Variants in ATXN10 observed in about 807,000 individuals in gnomAD.
The protein encoded by ATXN10 is ataxin-10.
Under a neutral mutation model 52.9 loss-of-function variants are expected in ATXN10, and 28 were observed. The ratio of observed to expected loss-of-function variants is 0.53; its 90% CI spans 0.39 to 0.73. The LOEUF is 0.73. ATXN10 is among the 30% of genes least tolerant of loss of function. The pLI is 0.00. For missense variants in ATXN10, 565 were observed against 577.0 expected (o/e 0.98, Z 0.21); for synonymous variants, 226 against 221.5 (o/e 1.02, Z -0.18).
chr22:45,804,749 A>T (rs1928042879), intron 9 of ATXN10, among the ~76,000 whole-genome samples: 1 of 152,236 alleles, frequency 6.6e-6, no homozygotes. Flanking sequence ...TAGATAAAAC[A>T]CAGAGGATTC....
chr22:45,713,011 A>G lies in ATXN10; in HGVS notation c.648-5402A>G, dbSNP rs186572663. Among the ~76,000 whole-genome samples, 277 of 152,018 alleles carry G rather than the reference A, an allele frequency of 1.8e-3. 1 individual carries two copies. The highest frequency in any genetic ancestry group is 6.1e-3 in the African/African-American group (254 of 41,436). On this transcript the variant is annotated intron_variant, in intron 5 of 11. Coordinates refer to ENST00000252934, the MANE Select transcript of ATXN10 (RefSeq NM_013236.4). ...TAGGTTTTTGAACTGATTGAAATCT[A>G]TTTTACTCATGTTGTGAGTATAGCA...
intron 10 of ATXN10, among the ~76,000 whole-genome samples, chr22:45,827,818 A>T (rs560328616): frequency 6.6e-6 from 1 of 152,360 alleles, no homozygotes; most frequent in African/African-American, 2.4e-5. Context: ...CAACAAGAGC[A>T]TATACATTCT....
At chr22:45,697,415 G>A (rs1049847052) in intron 3 of ATXN10, among the ~76,000 whole-genome samples, 1 of 152,052 alleles carries the variant, frequency 6.6e-6, no homozygotes, top group Non-Finnish European at 1.5e-5. Flanking sequence ...AATTACAGGC[G>A]TGAGCCGCTG....
intron 5 of ATXN10, among the ~76,000 whole-genome samples, chr22:45,710,851 A>G (rs916437971): frequency 3.9e-5 from 6 of 152,152 alleles, no homozygotes; most frequent in Non-Finnish European, 8.8e-5. Flanking sequence ...GGTTTTTGGT[A>G]GTAGTATTTG....
chr22:45,695,358 G>A (rs1485688666), intron 3 of ATXN10, among the ~76,000 whole-genome samples: 5 of 151,440 alleles, frequency 3.3e-5, no homozygotes, highest in Admixed American at 2.0e-4. Context: ...TTGTAATAAC[G>A]TCTTTACCTT....
At position 45,696,054 on chromosome 22, in the gene ATXN10, TACAG is replaced by T. The variant is rs1923593867; in HGVS notation, c.391+2980_391+2983del. On this transcript the variant is annotated intron_variant, in intron 3 of 11. Coordinates refer to ENST00000252934, the MANE Select transcript of ATXN10 (RefSeq NM_013236.4). This position sits in a 1 kb window ranked among gnomAD's most constrained non-coding sequence, Gnocchi z 4.7. Reference sequence around the variant, plus strand: ...AAATTAATTACTTCCTTTAAGAATTTACAGACAAAGTGCATCACCATGTTTTTTT... The same window carrying T: ...AAATTAATTACTTCCTTTAAGAATTTACAAAGTGCATCACCATGTTTTTTT... Among the ~76,000 whole-genome samples, 1 of 152,252 alleles carries T rather than the reference TACAG, an allele frequency of 6.6e-6. No individual in the cohort carries two copies. The highest frequency in any genetic ancestry group is 1.5e-5 in the Non-Finnish European group (1 of 68,046).
intron 3 of ATXN10, among the ~76,000 whole-genome samples, chr22:45,693,933 T>A (rs1923484553): frequency 6.6e-6 from 1 of 152,200 alleles, no homozygotes; most frequent in Non-Finnish European, 1.5e-5. Context: ...GTCTGTTGTT[T>A]AAGCCATTCA....
intron 1 of ATXN10, 24 bp from the exon 2 acceptor site, chr22:45,689,688 C>T (rs765449181): frequency 1.1e-5 from 18 of 1,599,382 alleles, no homozygotes; most frequent in Non-Finnish European, 1.3e-5. Context: ...TTTTCTGATT[C>T]GTGATAATTT....
chr22:45,779,388 A>ATATAATTCAGAAGAC (rs368229323), intron 9 of ATXN10, among the ~76,000 whole-genome samples: 3 of 152,234 alleles, frequency 2.0e-5, no homozygotes, highest in East Asian at 1.9e-4. Flanking sequence ...AGACTCCAGA[A>ATATAATTCAGAAGAC]TATAATTCAG....
In ATXN10 at chr22:45,757,099, C is replaced by T. The variant is rs1926200093; in HGVS notation, c.1173+16561C>T. 6.6e-6 allele frequency among the ~76,000 whole-genome samples: 1 copy of T among 152,162 alleles called. No homozygotes were observed. Among genetic ancestry groups the T allele is most frequent in the African/African-American group, 2.4e-5 (1 of 41,444 alleles). ...TGCGGAGGAATGGCTTTGGTCTGCA[C>T]CTGCAGCTCTGGACGGACTGCCTGG... On this transcript the variant is annotated intron_variant, in intron 9 of 11. Coordinates refer to ENST00000252934, the MANE Select transcript of ATXN10 (RefSeq NM_013236.4). The surrounding 1 kb of genome is among the most constrained non-coding windows in gnomAD (Gnocchi z 4.6).
In ATXN10 at chr22:45,840,263, G is replaced by A. The variant is rs1177915357; in HGVS notation, c.1238-2728G>A. Among the ~76,000 whole-genome samples the A allele has an allele frequency of 6.6e-6, 1 of 152,170 alleles. No homozygotes were observed. The highest frequency in any genetic ancestry group is 2.4e-5 in the African/African-American group (1 of 41,426). On this transcript the variant is annotated intron_variant, in intron 10 of 11. Transcript: ENST00000252934. This position sits in a 1 kb window ranked among gnomAD's most constrained non-coding sequence, Gnocchi z 5.8. ...AGGATATCGAAGTCAATTAGATGGGGCTCCTGCCCTCGAGGAACTCACAGA... is the reference window on the plus strand; with the variant it reads ...AGGATATCGAAGTCAATTAGATGGGACTCCTGCCCTCGAGGAACTCACAGA...
chr22:45,743,720 T>C (rs1311392369), intron 9 of ATXN10, among the ~76,000 whole-genome samples: 5 of 152,226 alleles, frequency 3.3e-5, no homozygotes, highest in African/African-American at 1.2e-4. Context: ...TATTGTTTAG[T>C]GTTTACTATG....
intron 9 of ATXN10, among the ~76,000 whole-genome samples, chr22:45,794,279 G>A (rs1388621605): frequency 6.6e-6 from 1 of 151,940 alleles, no homozygotes; most frequent in Non-Finnish European, 1.5e-5. Flanking sequence ...CTTTAAAAAG[G>A]ACAGTTGTAT....
Position 45,696,512 on chromosome 22 carries a change from C to T in ATXN10, c.391+3434C>T, listed in dbSNP as rs1317796644. Among the ~76,000 whole-genome samples, 1 of 152,228 alleles carries T rather than the reference C, an allele frequency of 6.6e-6. No individual in the cohort carries two copies. The highest frequency in any genetic ancestry group is 1.5e-5 in the Non-Finnish European group (1 of 68,046). On this transcript the variant is annotated intron_variant, in intron 3 of 11. Transcript: ENST00000252934. This position sits in a 1 kb window ranked among gnomAD's most constrained non-coding sequence, Gnocchi z 4.7. ...ACTATTAGAATGGAGCCAGCCCCTC[C>T]ACCATGTGCTGGATTTCATCGCCAC...
At position 45,780,196 on chromosome 22, in the gene ATXN10, G is replaced by C. The variant is rs1181375801; in HGVS notation, c.1174-26763G>C. Among the ~76,000 whole-genome samples, 2 of 151,944 alleles carry C rather than the reference G, an allele frequency of 1.3e-5. No individual in the cohort carries two copies. Among genetic ancestry groups the C allele is most frequent in the Non-Finnish European group, 2.9e-5 (2 of 68,018 alleles). ...CCTCCCAGGTTCAAGCGATTACCCT[G>C]CTTCAGCCTCCTGAGTAGCTGGGAT... is the stretch of plus-strand genomic sequence containing the variant. On this transcript the variant is annotated intron_variant, in intron 9 of 11. Coordinates refer to ENST00000252934, the MANE Select transcript of ATXN10 (RefSeq NM_013236.4). This position sits in a 1 kb window ranked among gnomAD's most constrained non-coding sequence, Gnocchi z 4.0.
At position 45,701,041 on chromosome 22, in the gene ATXN10, G is replaced by A. The variant is rs892920353; in HGVS notation, c.488+663G>A. Among the ~76,000 whole-genome samples, 3 of 152,190 alleles carry A rather than the reference G, an allele frequency of 2.0e-5. No homozygotes were observed. The highest frequency in any genetic ancestry group is 7.2e-5 in the African/African-American group (3 of 41,450). ...AGGTAAAAGGTGAGCAGGGAATAGA[G>A]TCAGTATACCTAGTAGGAAAGGCAC... On this transcript the variant is annotated intron_variant, in intron 4 of 11. Transcript: ENST00000252934. This position sits in a 1 kb window ranked among gnomAD's most constrained non-coding sequence, Gnocchi z 4.2.
Position 45,728,946 on chromosome 22 carries a change from A to G in ATXN10, c.729-479A>G, listed in dbSNP as rs1025521852. 7.9e-5 allele frequency among the ~76,000 whole-genome samples: 12 copies of G among 152,358 alleles called. No homozygotes were observed. The highest frequency in any genetic ancestry group is 3.4e-3 in the Middle Eastern group (1 of 294). On this transcript the variant is annotated intron_variant, in intron 6 of 11. Coordinates refer to ENST00000252934, the MANE Select transcript of ATXN10 (RefSeq NM_013236.4). This position sits in a 1 kb window ranked among gnomAD's most constrained non-coding sequence, Gnocchi z 4.3. ...TGGTTTTGTGACACTGGACAAGTTA[A>G]TTAACCTCACCAAGCCTTATTTACC... is the stretch of plus-strand genomic sequence containing the variant.
intron 1 of ATXN10, 187 bp downstream of exon 1, chr22:45,672,366 C>T: frequency 1.8e-6 from 1 of 554,588 alleles, no homozygotes; most frequent in Admixed American, 5.4e-5. Flanking sequence ...TCGTGGGTCC[C>T]CGCGGGGCCT....
chr22:45,729,415 TG>T lies in ATXN10; in HGVS notation c.729-9del. On this transcript the variant is annotated splice_polypyrimidine_tract_variant and intron_variant, in intron 6 of 11. Transcript: ENST00000252934. Reference sequence around the variant, plus strand: ...TATAGATTCATGCAGAAATCCTTTATGTTTTACAGAGTTACACTGTTAGACC... The same window carrying T: ...TATAGATTCATGCAGAAATCCTTTATTTTTACAGAGTTACACTGTTAGACC... 6.2e-7 allele frequency: 1 copy of T among 1,613,972 alleles called. No individual in the cohort carries two copies. Among genetic ancestry groups the T allele is most frequent in the Middle Eastern group, 1.6e-4 (1 of 6,062 alleles).
Sources: gnomAD v4.1 joint callset for allele counts (sites outside exome capture counted in the v4.1 genomes callset) on GRCh38, gnomAD v4.1.1 for gene constraint, Gnocchi (gnomAD v3.1) non-coding constraint, MANE v1.5 for transcripts, NCBI Gene and HGNC (gene_info 2026-07-23, HGNC 2026-07-21) for gene names.